Variants in CFAP54 observed in about 807,000 individuals in gnomAD.
CFAP54 encodes cilia- and flagella-associated protein 54.
A neutral mutation model predicts 370.4 loss-of-function variants in CFAP54; 290 were observed. That is an observed-to-expected ratio of 0.78 (90% CI 0.71 to 0.86). The LOEUF is 0.86. CFAP54 is among the 40% of genes least tolerant of loss of function. CFAP54 has a pLI of 0.00. For missense variants in CFAP54, 3,399 were observed against 3,528.7 expected (o/e 0.96, Z 0.93); for synonymous variants, 1,206 against 1,236.5 (o/e 0.98, Z 0.52).
At chr12:96,569,335 G>A (rs1342531228) in intron 19 of CFAP54, among the ~76,000 whole-genome samples, 1 of 152,160 alleles carries the variant, frequency 6.6e-6, no homozygotes, top group Non-Finnish European at 1.5e-5. Context: ...TGGGCCAGTT[G>A]ACTGCTCCTT....
intron 17 of CFAP54, 124 bp downstream of exon 17, chr12:96,554,926 TC>T: frequency 1.2e-6 from 1 of 843,272 alleles, no homozygotes. Flanking sequence ...TTCATTTTTT[TC>T]TACTTCCCTA....
intron 60 of CFAP54, among the ~76,000 whole-genome samples, chr12:96,775,630 G>A (rs73383013): frequency 0.028 from 4,220 of 152,284 alleles, 196 homozygotes; most frequent in African/African-American, 0.093. Context: ...AAGGCGAACA[G>A]AGGTCCTCTG....
At chr12:96,858,475 G>A (rs1843369621) in intron 66 of CFAP54, among the ~76,000 whole-genome samples, 1 of 152,156 alleles carries the variant, frequency 6.6e-6, no homozygotes, top group Non-Finnish European at 1.5e-5. Flanking sequence ...CTTTTGCTAT[G>A]CAGAAGCTCT....
intron 60 of CFAP54, among the ~76,000 whole-genome samples, chr12:96,781,090 A>G (rs4762330): frequency 0.35 from 53,465 of 151,982 alleles, 9,701 homozygotes; most frequent in South Asian, 0.55. Context: ...GGCCCTCAGT[A>G]TTGCCAGCTA....
intron 14 of CFAP54, among the ~76,000 whole-genome samples, chr12:96,545,303 G>A (rs1047632727): frequency 2.0e-5 from 3 of 152,006 alleles, no homozygotes; most frequent in East Asian, 1.9e-4. Flanking sequence ...TACAGATAAC[G>A]GGTTGATGGG....
chr12:96,622,427 C>A (rs569327339), intron 27 of CFAP54, among the ~76,000 whole-genome samples: 30 of 149,814 alleles, frequency 2.0e-4, no homozygotes, highest in Middle Eastern at 6.8e-3. Flanking sequence ...CTTGCCTCAC[C>A]GTAGCCTCCA....
intron 17 of CFAP54, among the ~76,000 whole-genome samples, chr12:96,562,982 G>C (rs2136409219): frequency 6.6e-6 from 1 of 152,186 alleles, no homozygotes; most frequent in African/African-American, 2.4e-5. Flanking sequence ...CATGTTTTGG[G>C]CTGAAAATAT....
At chr12:96,534,621 T>C (rs1308359477) in intron 11 of CFAP54, among the ~76,000 whole-genome samples, 2 of 152,218 alleles carry the variant, frequency 1.3e-5, no homozygotes, top group Non-Finnish European at 2.9e-5. Context: ...ATCTCCTGTC[T>C]CTTTCCAGCT....
At chr12:96,725,303 C>T (rs1055747688) in intron 50 of CFAP54, among the ~76,000 whole-genome samples, 1 of 151,640 alleles carries the variant, frequency 6.6e-6, no homozygotes, top group African/African-American at 2.4e-5. Context: ...TCTTCCTACC[C>T]ATGAGCATGG....
chr12:96,682,172 G>A (rs1957280781), intron 40 of CFAP54: 1 of 984,992 alleles, frequency 1.0e-6, no homozygotes, highest in Non-Finnish European at 1.2e-6. Context: ...GATTCAAAAT[G>A]TACTTCTGGA....
chr12:96,639,597 G>T (rs1307327797), intron 32 of CFAP54, among the ~76,000 whole-genome samples: 1 of 152,222 alleles, frequency 6.6e-6, no homozygotes, highest in Non-Finnish European at 1.5e-5. Context: ...GCATCATCCT[G>T]ATACCAAAGC....
intron 55 of CFAP54, among the ~76,000 whole-genome samples, chr12:96,744,748 G>A (rs954291567): frequency 2.0e-5 from 3 of 152,078 alleles, no homozygotes; most frequent in Non-Finnish European, 4.4e-5. Flanking sequence ...TGCAGGATGT[G>A]CAGGTTTGCT....
intron 4 of CFAP54, among the ~76,000 whole-genome samples, chr12:96,511,536 T>G (rs963313075): frequency 1.2e-4 from 19 of 152,206 alleles, no homozygotes; most frequent in African/African-American, 4.6e-4. Flanking sequence ...CAGGCTGATC[T>G]CGAATTCCTG....
rs1958082002 is a variant in CFAP54, at chr12:96,743,904, T to C, written c.7551T>C (p.Thr2517=). 6.2e-7 allele frequency: 1 copy of C among 1,611,260 alleles called. No individual in the cohort carries two copies. The highest frequency in any genetic ancestry group is 8.5e-7 in the Non-Finnish European group (1 of 1,179,092). ...TAACTCGGGCTCATAGCATTCTAAC[T>C]GAACAGGTGAGAATGCTTTTGTGTC... is the stretch of plus-strand genomic sequence containing the variant. The part of the protein sequence containing the change: ...NLLTRAHSIL[T]EQMLAFGETI... The change falls in exon 54 of 68, where the codon ACT becomes ACC. Residue 2517 remains threonine, a synonymous_variant. Coordinates refer to ENST00000524981, the MANE Select transcript of CFAP54 (RefSeq NM_001306084.2).
intron 26 of CFAP54, among the ~76,000 whole-genome samples, chr12:96,603,677 C>T (rs1431394751): frequency 2.0e-5 from 3 of 152,102 alleles, no homozygotes; most frequent in Non-Finnish European, 4.4e-5. Context: ...TTTCTCTAAT[C>T]TTGTCTTCTC....
At chr12:96,613,925 AC>A (rs1485334012) in intron 26 of CFAP54, among the ~76,000 whole-genome samples, 2 of 150,446 alleles carry the variant, frequency 1.3e-5, no homozygotes, top group Non-Finnish European at 1.5e-5. Flanking sequence ...GCCGAATTCT[AC>A]CAGAGGTACA....
intron 42 of CFAP54, among the ~76,000 whole-genome samples, chr12:96,687,972 T>C (rs1957345742): frequency 6.6e-6 from 1 of 152,202 alleles, no homozygotes; most frequent in South Asian, 2.1e-4. Flanking sequence ...ATAGGAGATG[T>C]CATTCTACGG....
At chr12:96,553,033 C>G (rs1955712065) in intron 15 of CFAP54, among the ~76,000 whole-genome samples, 1 of 152,148 alleles carries the variant, frequency 6.6e-6, no homozygotes, top group African/African-American at 2.4e-5. Context: ...TTGTTGTCAG[C>G]TGCCTCCTAG....
At chr12:96,551,485 A>ATG (rs10582056) in intron 15 of CFAP54, among the ~76,000 whole-genome samples, 33,897 of 143,628 alleles carry the variant, frequency 0.24, 3,885 homozygotes, top group South Asian at 0.33. Flanking sequence ...TTGAATGGGT[A>ATG]TGTGTGTGTG....
Sources: gnomAD v4.1 joint callset for allele counts (sites outside exome capture counted in the v4.1 genomes callset) on GRCh38, gnomAD v4.1.1 for gene constraint, MANE v1.5 for transcripts, NCBI Gene and HGNC (gene_info 2026-07-23, HGNC 2026-07-21) for gene names.